Variants in NAPB observed in about 807,000 individuals in gnomAD.
NAPB encodes NSF attachment protein beta, also known as beta-soluble NSF attachment protein.
NAPB carries 26 observed loss-of-function variants against 44.7 expected under a neutral mutation model. The ratio of observed to expected loss-of-function variants is 0.58; its 90% CI spans 0.43 to 0.81. NAPB has a LOEUF of 0.81. Ranked by LOEUF, NAPB falls within the 30% of genes least tolerant of loss-of-function variation. The pLI is 0.00. For missense variants in NAPB, 315 were observed against 356.4 expected (o/e 0.88, Z 0.94); for synonymous variants, 120 against 116.8 (o/e 1.03, Z -0.18).
chr20:23,412,515 A>C (rs1778783624), intron 1 of NAPB, among the ~76,000 whole-genome samples: 1 of 152,250 alleles, frequency 6.6e-6, no homozygotes, highest in South Asian at 2.1e-4. Context: ...CTATGTACCA[A>C]AAACACAGTA....
chr20:23,380,134 C>CT (rs935949858), intron 8 of NAPB, among the ~76,000 whole-genome samples, 199 bp from the exon 9 acceptor site: 2 of 152,212 alleles, frequency 1.3e-5, no homozygotes, highest in African/African-American at 4.8e-5. Context: ...TTCTAAACTA[C>CT]TTTTTTCTGA....
intron 7 of NAPB, among the ~76,000 whole-genome samples, chr20:23,383,355 G>T (rs543193933): frequency 6.6e-6 from 1 of 152,026 alleles, no homozygotes; most frequent in Non-Finnish European, 1.5e-5. Flanking sequence ...AATTATGAAA[G>T]TGTCTAGAGA....
chr20:23,381,158 T>G, intron 8 of NAPB, 55 bp downstream of exon 8: 1 of 1,136,974 alleles, frequency 8.8e-7, no homozygotes, highest in Non-Finnish European at 1.3e-6. Context: ...CAAGAGAGAA[T>G]GTGTACGTAT....
At chr20:23,390,445 A>G (rs1447864876) in intron 5 of NAPB, among the ~76,000 whole-genome samples, 181 bp from the exon 6 acceptor site, 1 of 152,242 alleles carries the variant, frequency 6.6e-6, no homozygotes, top group Non-Finnish European at 1.5e-5. Context: ...ATGCTTGCTG[A>G]CCATCAAAAT....
chr20:23,419,059 C>T (rs1431411536), intron 1 of NAPB, among the ~76,000 whole-genome samples: 1 of 152,182 alleles, frequency 6.6e-6, no homozygotes, highest in African/African-American at 2.4e-5. Context: ...GATGAATATG[C>T]TAATTAATAT....
At chr20:23,398,097 G>C (rs1984509286) in intron 2 of NAPB, among the ~76,000 whole-genome samples, 1 of 152,168 alleles carries the variant, frequency 6.6e-6, no homozygotes, top group Non-Finnish European at 1.5e-5. Context: ...CAAGGCTGAG[G>C]CTGCATCAGG....
chr20:23,379,638 G>T (rs779445356), intron 9 of NAPB, 143 bp from the exon 10 acceptor site: 3 of 696,094 alleles, frequency 4.3e-6, no homozygotes, highest in Non-Finnish European at 7.2e-6. Flanking sequence ...AGCCAAGTTA[G>T]GGATCTAGCT....
intron 1 of NAPB, among the ~76,000 whole-genome samples, chr20:23,412,893 G>A (rs948868109): frequency 1.3e-5 from 2 of 152,196 alleles, no homozygotes; most frequent in African/African-American, 4.8e-5. Flanking sequence ...CTACTGGGGA[G>A]GCTGAGGCAG....
At chr20:23,396,567 T>G (rs919425316) in intron 3 of NAPB, among the ~76,000 whole-genome samples, 4 of 152,242 alleles carry the variant, frequency 2.6e-5, no homozygotes, top group Non-Finnish European at 5.9e-5. Flanking sequence ...TCCAATTGCA[T>G]TCTTTCCTCA....
At chr20:23,405,401 A>G (rs1985174538) in intron 1 of NAPB, among the ~76,000 whole-genome samples, 1 of 152,090 alleles carries the variant, frequency 6.6e-6, no homozygotes, top group Non-Finnish European at 1.5e-5. Context: ...ACTTGTATGC[A>G]ACTGTTCACA....
chr20:23,421,148 C>A (rs1174089457), intron 1 of NAPB, among the ~76,000 whole-genome samples, 157 bp downstream of exon 1: 1 of 151,052 alleles, frequency 6.6e-6, no homozygotes, highest in Non-Finnish European at 1.5e-5. Flanking sequence ...CTGGGGGACC[C>A]TACAGGATTT....
At chr20:23,398,999 AT>A (rs2123206739) in intron 2 of NAPB, among the ~76,000 whole-genome samples, 1 of 151,562 alleles carries the variant, frequency 6.6e-6, no homozygotes, top group East Asian at 2.0e-4. Context: ...TAAACATCCA[AT>A]TCTGCTAAAG....
chr20:23,410,104 G>A (rs1260353277), intron 1 of NAPB, among the ~76,000 whole-genome samples: 1 of 152,170 alleles, frequency 6.6e-6, no homozygotes, highest in Admixed American at 6.5e-5. Flanking sequence ...TAGAAGGTGG[G>A]GGCAGCTCTA....
rs369308904 is a variant in NAPB, at chr20:23,379,084, A to C, written c.786+361T>G. The C allele has an allele frequency of 8.4e-5, 14 of 166,918 alleles. No individual in the cohort carries two copies. The East Asian group carries it at 2.0e-3, about 24-fold the overall frequency. 10.3% of individuals were successfully genotyped at this position (166,918 alleles called of 1,614,324 possible). A position where few individuals can be genotyped will look rare whatever the true frequency, so the allele number is the denominator to read the frequency against. On this transcript the variant is annotated intron_variant, in intron 10 of 10. Transcript: ENST00000377026. ...GCCTGCCTCGGCCTCCGAAAGTGCCAGGATTACAGGTGTGAGACGCCGTGC... is the reference window on the plus strand; with the variant it reads ...GCCTGCCTCGGCCTCCGAAAGTGCCCGGATTACAGGTGTGAGACGCCGTGC...
At position 23,377,178 on chromosome 20, in the gene NAPB, T is replaced by C. The variant is rs1982585202; in HGVS notation, c.*198A>G. The C allele has an allele frequency of 5.5e-6, 2 of 362,042 alleles. No individual in the cohort carries two copies. The highest frequency in any genetic ancestry group is 2.1e-5 in the African/African-American group (1 of 48,132). The allele number at this position is 362,042 out of a possible 1,614,324, so 22.4% of individuals were successfully genotyped here. On this transcript the variant is annotated 3_prime_UTR_variant, in exon 11 of 11. Transcript: ENST00000377026. ...GTTCTGATAAGCATGAAACAACCCA[T>C]CATTACCACAAGATGAACAGGAGCC...
At chr20:23,378,826 C>CTTTTTTTTTTTTTTTTTTTTTTTTT (rs202043703) in intron 10 of NAPB, 1 of 95,694 alleles carries the variant, frequency 1.0e-5, no homozygotes, top group African/African-American at 3.6e-5. Context: ...TTTTTTTTTT[C>CTTTTTTTTTTTTTTTTTTTTTTTTT]TTTTTTTTTT....
intron 7 of NAPB, among the ~76,000 whole-genome samples, chr20:23,384,299 C>T (rs1983289324): frequency 6.6e-6 from 1 of 152,062 alleles, no homozygotes; most frequent in African/African-American, 2.4e-5. Flanking sequence ...TGGTGGCTCA[C>T]ACCTATAATC....
chr20:23,395,229 G>A, intron 3 of NAPB, 44 bp from the exon 4 acceptor site: 1 of 1,602,508 alleles, frequency 6.2e-7, no homozygotes, highest in South Asian at 1.1e-5. Context: ...AATCCATTCA[G>A]TCAAAGAGGG....
chr20:23,421,070 C>G (rs743021), intron 1 of NAPB, among the ~76,000 whole-genome samples: 3 of 149,094 alleles, frequency 2.0e-5, no homozygotes, highest in Admixed American at 6.6e-5. Context: ...CCTGGGGGGG[C>G]CTGTGGGGTC....
Sources: allele counts gnomAD v4.1 joint callset (sites outside exome capture counted in the v4.1 genomes callset), GRCh38; gene constraint gnomAD v4.1.1; transcripts MANE v1.5; gene names NCBI Gene and HGNC (gene_info 2026-07-23, HGNC 2026-07-21).